SNW1: variants seen among roughly 807,000 people sequenced by gnomAD.
SNW1 encodes SNW domain-containing protein 1.
Under a neutral mutation model 75.6 loss-of-function variants are expected in SNW1, and 9 were observed. That is an observed-to-expected ratio of 0.12 (90% CI 0.07 to 0.21). SNW1 has a LOEUF of 0.21. SNW1 is among the 10% of genes least tolerant of loss of function. SNW1 has a pLI of 1.00. For synonymous variants in SNW1, 200 were observed against 219.1 expected (o/e 0.91, Z 0.77); for missense variants, 409 against 670.9 (o/e 0.61, Z 4.31).
At chr14:77,738,648 C>T (rs1194121118) in intron 5 of SNW1, 130 bp downstream of exon 5, 3 of 674,166 alleles carry the variant, frequency 4.4e-6, no homozygotes, top group Non-Finnish European at 7.6e-6. Context: ...AGACAGTAGA[C>T]AGGCTTTGAG....
chr14:77,738,153 A>C (rs1006520804), intron 5 of SNW1, among the ~76,000 whole-genome samples: 5 of 151,824 alleles, frequency 3.3e-5, no homozygotes, highest in Non-Finnish European at 2.9e-5. Context: ...AAAAAAATAC[A>C]AAAATTAGCC....
intron 3 of SNW1, among the ~76,000 whole-genome samples, chr14:77,750,120 G>A (rs1016072383): frequency 1.3e-5 from 2 of 152,168 alleles, no homozygotes; most frequent in Non-Finnish European, 2.9e-5. Flanking sequence ...AGGAATGCTT[G>A]AGCCCAGGAG....
chr14:77,761,067 G>A (rs1238409044), intron 1 of SNW1, 47 bp downstream of exon 1: 7 of 1,614,122 alleles, frequency 4.3e-6, no homozygotes, highest in Non-Finnish European at 5.9e-6. Context: ...GAAGAAGACT[G>A]GTACTCCCAG....
chr14:77,749,678 G>A (rs1235018380), intron 3 of SNW1, among the ~76,000 whole-genome samples: 1 of 152,182 alleles, frequency 6.6e-6, no homozygotes. Context: ...GACATACGAT[G>A]ATCGCCTGAG....
chr14:77,760,869 C>T (rs1231306726), intron 1 of SNW1: 7 of 823,628 alleles, frequency 8.5e-6, no homozygotes, highest in Non-Finnish European at 1.4e-5. Flanking sequence ...TCTTCAGTGT[C>T]TGAGACCACT....
At chr14:77,759,926 T>C (rs2080873331) in intron 1 of SNW1, among the ~76,000 whole-genome samples, 1 of 150,786 alleles carries the variant, frequency 6.6e-6, no homozygotes. Context: ...AAGACCAACC[T>C]GGCCAACACA....
At chr14:77,761,001 C>T (rs1316967012) in intron 1 of SNW1, 113 bp downstream of exon 1, 5 of 1,612,842 alleles carry the variant, frequency 3.1e-6, no homozygotes, top group Admixed American at 1.7e-5. Context: ...AGTCTTGGCC[C>T]ACGTCATTCT....
intron 7 of SNW1, 70 bp downstream of exon 7, chr14:77,735,867 A>G: frequency 8.7e-7 from 1 of 1,152,382 alleles, no homozygotes; most frequent in East Asian, 2.4e-5. Context: ...CTGTATAGGC[A>G]TAGGGAGGTT....
At position 77,717,922 on chromosome 14, in the gene SNW1, A is replaced by T; in HGVS notation, c.*166T>A. ...CTCTTTAAAAAAAACTAAATAATTC[A>T]AAGTAGAATTTTCTATCCCCCCCAT... On this transcript the variant is annotated 3_prime_UTR_variant, in exon 14 of 14. Transcript: ENST00000261531. The T allele has an allele frequency of 1.6e-6, 1 of 623,480 alleles. No individual in the cohort carries two copies. The allele number at this position is 623,480 out of a possible 1,614,324, so 38.6% of individuals were successfully genotyped here.
At chr14:77,760,151 T>C (rs981493455) in intron 1 of SNW1, among the ~76,000 whole-genome samples, 7 of 152,194 alleles carry the variant, frequency 4.6e-5, no homozygotes, top group Admixed American at 1.3e-4. Context: ...AGACAGATTT[T>C]CTTCTGTGTA....
At chr14:77,760,641 C>A (rs2080880596) in intron 1 of SNW1, 1 of 702,386 alleles carries the variant, frequency 1.4e-6, no homozygotes. Context: ...AGCTCCGGGC[C>A]TCTTTTTTCA....
intron 2 of SNW1, among the ~76,000 whole-genome samples, chr14:77,752,539 A>G (rs2139931361): frequency 6.6e-6 from 1 of 152,300 alleles, no homozygotes; most frequent in East Asian, 1.9e-4. Flanking sequence ...TTTAAATGGA[A>G]ACATTCAGGC....
intron 2 of SNW1, among the ~76,000 whole-genome samples, chr14:77,754,692 TATAAA>T (rs1010609624): frequency 3.3e-5 from 5 of 152,196 alleles, no homozygotes; most frequent in African/African-American, 1.2e-4. Context: ...TTCCTGAATT[TATAAA>T]ATATTAGTTT....
Position 77,761,128 on chromosome 14 carries a change from C to T in SNW1, c.-1G>A. The stretch of plus-strand genomic sequence containing the variant: ...CAACAACCCACCTGGTGAGCGCCAT[C>T]TTCTTCCGCTTCTTCCAGCGCGAGC... On this transcript the variant is annotated 5_prime_UTR_variant, in exon 1 of 14. Transcript: ENST00000261531. The T allele has an allele frequency of 2.5e-6, 4 of 1,614,250 alleles. No homozygotes were observed. Among genetic ancestry groups the T allele is most frequent in the Non-Finnish European group, 3.4e-6 (4 of 1,180,044 alleles).
chr14:77,719,860 GCTTA>G (rs2080524768), intron 12 of SNW1, among the ~76,000 whole-genome samples: 1 of 152,178 alleles, frequency 6.6e-6, no homozygotes, highest in Non-Finnish European at 1.5e-5. Context: ...ACTTAGAAGA[GCTTA>G]CTTAAAACCT....
intron 10 of SNW1, among the ~76,000 whole-genome samples, chr14:77,724,808 T>C (rs2080571853): frequency 6.6e-6 from 1 of 152,218 alleles, no homozygotes; most frequent in South Asian, 2.1e-4. Context: ...GCAATAAACA[T>C]GGAAGTGCAG....
At chr14:77,751,539 T>C in intron 2 of SNW1, 59 bp from the exon 3 acceptor site, 1 of 1,340,030 alleles carries the variant, frequency 7.5e-7, no homozygotes, top group Non-Finnish European at 1.0e-6. Context: ...TCAAGATATA[T>C]TCATTCATTC....
At chr14:77,724,482 C>T (rs1166466953) in intron 10 of SNW1, among the ~76,000 whole-genome samples, 3 of 152,194 alleles carry the variant, frequency 2.0e-5, no homozygotes, top group Non-Finnish European at 4.4e-5. Context: ...TATTTCTGTA[C>T]CATCAACCAA....
intron 1 of SNW1, 40 bp from the exon 2 acceptor site, chr14:77,755,160 T>TG (rs386779067): frequency 3.0e-6 from 3 of 1,003,946 alleles, no homozygotes; most frequent in Non-Finnish European, 4.3e-6. Flanking sequence ...TTTAAAAAAC[T>TG]CTTATGTTTA....
Sources: gnomAD v4.1 joint callset for allele counts (sites outside exome capture counted in the v4.1 genomes callset) on GRCh38, gnomAD v4.1.1 for gene constraint, MANE v1.5 for transcripts, NCBI Gene and HGNC (gene_info 2026-07-23, HGNC 2026-07-21) for gene names.